ELMO1: variants seen among roughly 807,000 people sequenced by gnomAD.
ELMO1 encodes engulfment and cell motility protein 1.
In ELMO1, 26 loss-of-function variants were observed where a neutral mutation model predicts 98.9. The observed-to-expected ratio is 0.26, with a 90% CI of 0.19 to 0.36. The LOEUF (loss-of-function observed/expected upper bound fraction) is 0.36, where lower values mean the gene tolerates loss of function less well. Ranked by LOEUF, ELMO1 falls within the 10% of genes least tolerant of loss-of-function variation. The pLI, the probability that ELMO1 is intolerant of heterozygous loss-of-function variation, is 1.00. For missense variants in ELMO1, 627 were observed against 935.2 expected (o/e 0.67, Z 4.30); for synonymous variants, 346 against 346.0 (o/e 1.00, Z 0.00).
chr7:37,398,474 G>A (rs764147541), intron 1 of ELMO1, among the ~76,000 whole-genome samples: 3 of 152,182 alleles, frequency 2.0e-5, no homozygotes, highest in African/African-American at 2.4e-5. Flanking sequence ...ACCAGAAAGC[G>A]ATGGATTCAC....
Position 36,885,284 on chromosome 7 carries a change from T to G in ELMO1, c.1714+2276A>C, listed in dbSNP as rs538084445. ...CAGGGGTAGTTCATTTTTAGAAAATTGGAAAAATTTATAGATACGGGACTA... is the reference window on the plus strand; with the variant it reads ...CAGGGGTAGTTCATTTTTAGAAAATGGGAAAAATTTATAGATACGGGACTA... On this transcript the variant is annotated intron_variant, in intron 18 of 21. Transcript: ENST00000310758. 3.9e-5 allele frequency among the ~76,000 whole-genome samples: 6 copies of G among 151,986 alleles called. No homozygotes were observed. In the East Asian group the frequency reaches 1.2e-3, roughly 29 times the overall value.
At chr7:37,346,344 G>A (rs563761610) in intron 1 of ELMO1, among the ~76,000 whole-genome samples, 1 of 152,150 alleles carries the variant, frequency 6.6e-6, no homozygotes, top group Non-Finnish European at 1.5e-5. Flanking sequence ...CATCCTCTTT[G>A]AGTAATTTTA....
At position 37,278,608 on chromosome 7, in the gene ELMO1, C is replaced by T. The variant is rs1796978563; in HGVS notation, c.193-6726G>A. On this transcript the variant is annotated intron_variant, in intron 4 of 21. Coordinates refer to ENST00000310758, the MANE Select transcript of ELMO1 (RefSeq NM_014800.11). ...AGTAGATAGCAGATTCAGTCTGTGT[C>T]TCAGAGTTCCAGCCCACCCTGTGGA... 2.0e-5 allele frequency among the ~76,000 whole-genome samples: 3 copies of T among 152,320 alleles called. No homozygotes were observed. In the South Asian group the frequency reaches 6.2e-4, roughly 32 times the overall value.
chr7:37,370,287 T>C (rs552907812), intron 1 of ELMO1, among the ~76,000 whole-genome samples: 3 of 152,340 alleles, frequency 2.0e-5, no homozygotes, highest in African/African-American at 7.2e-5. Flanking sequence ...ACCACTGGTG[T>C]GTTTTTTGGG....
rs191326173 is a variant in ELMO1 at position 37,264,042 on chromosome 7, T to C, written c.244-4692A>G. 3.3e-5 allele frequency among the ~76,000 whole-genome samples: 5 copies of C among 152,334 alleles called. No homozygotes were observed. The East Asian group carries it at 5.8e-4, about 18-fold the overall frequency. ...CATAGTCATAGGATGAAATATCATA[T>C]AGAACTACATATGGAACTTTTAGAG... On this transcript the variant is annotated intron_variant, in intron 5 of 21. Transcript: ENST00000310758.
chr7:37,446,708 C>T (rs543960134), intron 1 of ELMO1, among the ~76,000 whole-genome samples: 8 of 152,298 alleles, frequency 5.3e-5, no homozygotes, highest in Admixed American at 3.9e-4. Context: ...GGTCTGCCTC[C>T]GAGCCTGCCC....
chr7:37,332,240 T>C (rs768552805), intron 2 of ELMO1, among the ~76,000 whole-genome samples: 2 of 152,270 alleles, frequency 1.3e-5, no homozygotes, highest in Non-Finnish European at 2.9e-5. Context: ...TTAGAATACA[T>C]GGTGCAAACA....
chr7:37,020,916 G>T (rs1730133526), intron 15 of ELMO1, among the ~76,000 whole-genome samples: 1 of 152,190 alleles, frequency 6.6e-6, no homozygotes, highest in Admixed American at 6.5e-5. Context: ...ATTAAAATCT[G>T]CCTGGTGATC....
chr7:37,013,385 A>T lies in ELMO1; in HGVS notation c.1351T>A (p.Ser451Thr), dbSNP rs1279731102. 2 of 1,614,084 alleles carry T rather than the reference A, an allele frequency of 1.2e-6. No individual in the cohort carries two copies. Among genetic ancestry groups the T allele is most frequent in the South Asian group, 2.2e-5 (2 of 91,086 alleles). The stretch of plus-strand genomic sequence containing the variant: ...CAGATGCAGAAAAACTCCTCAAAGG[A>T]TCTGTCGTGGGTGAAGAACATCGGG... Reference protein sequence around the residue: ...FHPMFFTHDRSFEEFFCICIQ... With the variant: ...FHPMFFTHDRTFEEFFCICIQ... Residue 451 changes from serine (S) to threonine (T), a missense_variant, in exon 16 of 22, where the codon TCC becomes ACC. By Grantham distance (58) the Ser-to-Thr change is moderately conservative (BLOSUM62 1). Transcript: ENST00000310758.
chr7:37,387,250 G>T (rs1698714296), intron 1 of ELMO1, among the ~76,000 whole-genome samples: 1 of 152,190 alleles, frequency 6.6e-6, no homozygotes, highest in South Asian at 2.1e-4. Context: ...CCTTAACAAA[G>T]CATCACTAAC....
At chr7:37,289,238 C>T (rs896665322) in intron 4 of ELMO1, among the ~76,000 whole-genome samples, 2 of 152,182 alleles carry the variant, frequency 1.3e-5, no homozygotes, top group Non-Finnish European at 2.9e-5. Flanking sequence ...GTAACAACCC[C>T]TTCCCCTCTC....
At chr7:37,002,242 A>G (rs1792727048) in intron 16 of ELMO1, 1 of 152,254 alleles carries the variant, frequency 6.6e-6, no homozygotes, top group Non-Finnish European at 1.5e-5. Flanking sequence ...CTTGAGCAAC[A>G]GTCAAGCTTC....
intron 4 of ELMO1, among the ~76,000 whole-genome samples, chr7:37,283,352 C>A (rs931492115): frequency 6.6e-6 from 1 of 152,202 alleles, no homozygotes; most frequent in Admixed American, 6.5e-5. Context: ...TCCAAAGACA[C>A]CAAGTTGCTT....
chr7:37,179,277 C>T (rs1165776807), intron 13 of ELMO1, among the ~76,000 whole-genome samples: 1 of 83,810 alleles, frequency 1.2e-5, no homozygotes, highest in African/African-American at 3.8e-5. Context: ...TTGCATATAG[C>T]TCTTTTTTTT....
intron 7 of ELMO1, among the ~76,000 whole-genome samples, chr7:37,243,487 A>C (rs191901479): frequency 3.3e-5 from 5 of 152,324 alleles, no homozygotes; most frequent in Admixed American, 2.0e-4. Context: ...CATCAAAATG[A>C]AATTTAAGAA....
chr7:37,118,643 T>C (rs965600130), intron 14 of ELMO1, among the ~76,000 whole-genome samples: 4 of 152,226 alleles, frequency 2.6e-5, no homozygotes, highest in Non-Finnish European at 5.9e-5. Flanking sequence ...GCACCTTCTA[T>C]GTGCTGGCGG....
intron 15 of ELMO1, among the ~76,000 whole-genome samples, chr7:37,016,467 C>T (rs1730679429): frequency 6.6e-6 from 1 of 152,150 alleles, no homozygotes; most frequent in South Asian, 2.1e-4. Context: ...GACCCAGCAG[C>T]AGGCTTCCTC....
At position 37,404,275 on chromosome 7, in the gene ELMO1, G is replaced by A. The variant is rs1307367657; in HGVS notation, c.-74+44400C>T. ...AAGACCCATCTCTGAATGTCTAGGT[G>A]GCTCCCCCTTCCACCTTCACTCCGT... On this transcript the variant is annotated intron_variant, in intron 1 of 21. Coordinates refer to ENST00000310758, the MANE Select transcript of ELMO1 (RefSeq NM_014800.11). Among the ~76,000 whole-genome samples the A allele has an allele frequency of 4.0e-5, 6 of 151,810 alleles. 1 individual carries two copies. Among genetic ancestry groups the A allele is most frequent in the Non-Finnish European group, 8.8e-5 (6 of 67,982 alleles).
At chr7:37,187,527 A>G (rs1791287632) in intron 13 of ELMO1, among the ~76,000 whole-genome samples, 1 of 152,232 alleles carries the variant, frequency 6.6e-6, no homozygotes, top group Non-Finnish European at 1.5e-5. Flanking sequence ...GTGATTAAAT[A>G]AAACTTCCCA....
Sources: gnomAD v4.1 joint callset for allele counts (sites outside exome capture counted in the v4.1 genomes callset) on GRCh38, gnomAD v4.1.1 for gene constraint, MANE v1.5 for transcripts, NCBI Gene and HGNC (gene_info 2026-07-23, HGNC 2026-07-21) for gene names.